Variants in ZNF33A observed in about 807,000 individuals in gnomAD.
ZNF33A encodes the protein brain my041 protein.
Under a neutral mutation model 15.9 loss-of-function variants are expected in ZNF33A, and 9 were observed. That is an observed-to-expected ratio of 0.57 (90% CI 0.34 to 0.99). The LOEUF (loss-of-function observed/expected upper bound fraction) is 0.99. ZNF33A is among the 50% of genes least tolerant of loss of function. ZNF33A has a pLI of 0.02. For missense variants in ZNF33A, 843 were observed against 941.6 expected (o/e 0.90, Z 1.37); for synonymous variants, 294 against 324.2 (o/e 0.91, Z 1.00).
At chr10:38,022,408 A>G (rs981627624) in intron 4 of ZNF33A, among the ~76,000 whole-genome samples, 1 of 152,086 alleles carries the variant, frequency 6.6e-6, no homozygotes, top group Non-Finnish European at 1.5e-5. Flanking sequence ...TGTTATTCCA[A>G]CACTTTGGGA....
chr10:38,025,540 G>T (rs960659916), intron 4 of ZNF33A, among the ~76,000 whole-genome samples: 18 of 152,220 alleles, frequency 1.2e-4, no homozygotes, highest in Admixed American at 9.8e-4. Context: ...ATATGCAGTG[G>T]CCTTCTGCAA....
In ZNF33A at chr10:38,016,889, G is replaced by A; in HGVS notation, c.28G>A (p.Glu10Lys). ...GTTTCAGGTAGAACAGAAGTCCCAG[G>A]AGTCAGTATCATTTAAAGATGTGAC... MNKVEQKSQ[E>K]SVSFKDVTVG... Residue 10 changes from glutamate to lysine, a missense_variant, in exon 3 of 5, where the codon GAG (glutamate) becomes AAG (lysine). Glu to Lys is a moderately conservative substitution (Grantham distance 56). Coordinates refer to ENST00000432900, the MANE Select transcript of ZNF33A (RefSeq NM_006954.2). 6.2e-7 allele frequency: 1 copy of A among 1,613,862 alleles called. No individual in the cohort carries two copies. Among genetic ancestry groups the A allele is most frequent in the Non-Finnish European group, 8.5e-7 (1 of 1,179,940 alleles).
At chr10:38,024,175 A>AAAAAG (rs2064879742) in intron 4 of ZNF33A, among the ~76,000 whole-genome samples, 1 of 144,678 alleles carries the variant, frequency 6.9e-6, no homozygotes, top group African/African-American at 2.5e-5. Flanking sequence ...AAAAAAAAAA[A>AAAAAG]AAAAAAGAAA....
At position 38,021,656 on chromosome 10, in the gene ZNF33A, A is replaced by T. The variant is rs1383250272; in HGVS notation, c.250+4270A>T. Among the ~76,000 whole-genome samples the T allele has an allele frequency of 2.0e-5, 3 of 152,276 alleles. No homozygotes were observed. The East Asian group carries it at 5.8e-4, about 29-fold the overall frequency. On this transcript the variant is annotated intron_variant, in intron 4 of 4. Coordinates refer to ENST00000432900, the MANE Select transcript of ZNF33A (RefSeq NM_006954.2). Reference sequence around the variant, plus strand: ...CTCAAAAAAGAAAAGAAAAAAAAAGAGTAGTGCCCAACAACAGCAAAATAA... The same window carrying T: ...CTCAAAAAAGAAAAGAAAAAAAAAGTGTAGTGCCCAACAACAGCAAAATAA...
At chr10:38,023,472 C>T (rs979726739) in intron 4 of ZNF33A, among the ~76,000 whole-genome samples, 3 of 152,050 alleles carry the variant, frequency 2.0e-5, no homozygotes, top group Non-Finnish European at 2.9e-5. Flanking sequence ...ATTCAGAAAT[C>T]GATCAATGTA....
downstream of ZNF33A, among the ~76,000 whole-genome samples, chr10:38,063,120 A>G (rs571395209): frequency 3.9e-5 from 6 of 152,212 alleles, no homozygotes; most frequent in East Asian, 7.7e-4. Context: ...GCAAAATGCA[A>G]CTGTGTCCGT....
At chr10:38,014,034 G>GTTTTTTTTTTT (rs1450682790) in intron 2 of ZNF33A, among the ~76,000 whole-genome samples, 1 of 58,264 alleles carries the variant, frequency 1.7e-5, no homozygotes, top group African/African-American at 6.4e-5. Flanking sequence ...AATGATGTCT[G>GTTTTTTTTTTT]ATTTTTTTTT....
At chr10:38,011,859 C>T (rs1476962148) in intron 1 of ZNF33A, among the ~76,000 whole-genome samples, 3 of 152,282 alleles carry the variant, frequency 2.0e-5, no homozygotes, top group East Asian at 1.9e-4. Flanking sequence ...TCTGTGGAGT[C>T]ACTCACCAGA....
At chr10:38,010,915 GC>G (rs201239978) in intron 1 of ZNF33A, 132 bp downstream of exon 1, 77,959 of 1,112,084 alleles carry the variant, frequency 0.07, 3,295 homozygotes, top group Non-Finnish European at 0.084. Context: ...GGACGGCGGG[GC>G]TGCAGCGTGT....
chr10:38,044,312 A>G (rs759894221), intron 4 of ZNF33A, among the ~76,000 whole-genome samples: 8 of 151,380 alleles, frequency 5.3e-5, no homozygotes, highest in South Asian at 2.1e-4. Flanking sequence ...GGTTCATGCA[A>G]TTCTCTTGCC....
chr10:38,034,262 T>C (rs969206630), intron 4 of ZNF33A, among the ~76,000 whole-genome samples: 1 of 152,220 alleles, frequency 6.6e-6, no homozygotes, highest in Non-Finnish European at 1.5e-5. Context: ...TTACCTAATG[T>C]CCTTCTTTGT....
intron 4 of ZNF33A, among the ~76,000 whole-genome samples, chr10:38,022,193 G>C (rs1394023254): frequency 6.6e-6 from 1 of 152,076 alleles, no homozygotes; most frequent in East Asian, 1.9e-4. Context: ...ATGAAACATA[G>C]GGTTCTTTGG....
intron 4 of ZNF33A, among the ~76,000 whole-genome samples, chr10:38,045,483 G>T (rs1256256430): frequency 1.3e-5 from 2 of 152,118 alleles, no homozygotes; most frequent in East Asian, 3.9e-4. Context: ...GTTAAATTTG[G>T]GTTCCTTCTA....
intron 4 of ZNF33A, among the ~76,000 whole-genome samples, chr10:38,024,997 A>T (rs1312411335): frequency 6.6e-6 from 1 of 152,234 alleles, no homozygotes; most frequent in Non-Finnish European, 1.5e-5. Flanking sequence ...CAGAGTAGTG[A>T]TGATAGCATA....
Position 38,054,807 on chromosome 10 carries a change from T to C in ZNF33A, c.683T>C (p.Leu228Pro), listed in dbSNP as rs780490456. Residue 228 changes from leucine to proline, a missense_variant, in exon 5 of 5, where the codon CTC (leucine) becomes CCC (proline). Transcript: ENST00000432900. ...NFEYSICQETLLEKAVFNTQK... is the reference protein window; with the variant it reads ...NFEYSICQETPLEKAVFNTQK... ...GAATACAGTATATGTCAGGAAACCCTCCTTGAAAAGGCAGTATTCAATACA... is the reference window on the plus strand; with the variant it reads ...GAATACAGTATATGTCAGGAAACCCCCCTTGAAAAGGCAGTATTCAATACA... 3 of 1,613,534 alleles carry C rather than the reference T, an allele frequency of 1.9e-6. No individual in the cohort carries two copies. The highest frequency in any genetic ancestry group is 1.7e-6 in the Non-Finnish European group (2 of 1,179,964).
intron 4 of ZNF33A, among the ~76,000 whole-genome samples, chr10:38,044,660 A>G (rs1369452689): frequency 2.0e-5 from 3 of 151,788 alleles, no homozygotes; most frequent in Admixed American, 2.0e-4. Context: ...GTGTTTCCTT[A>G]TGAACATATT....
chr10:38,012,805 A>G (rs2064255413), intron 2 of ZNF33A, among the ~76,000 whole-genome samples: 1 of 152,164 alleles, frequency 6.6e-6, no homozygotes, highest in South Asian at 2.1e-4. Context: ...AAAGTAACAG[A>G]TCAATAGCAG....
At chr10:38,060,415 A>C (rs1418643253), downstream of ZNF33A, among the ~76,000 whole-genome samples, 1 of 152,122 alleles carries the variant, frequency 6.6e-6, no homozygotes, top group Non-Finnish European at 1.5e-5. Context: ...AACCCCTCAC[A>C]TCCTCCCACA....
In ZNF33A at chr10:38,040,243, A is replaced by C. The variant is rs61587766; in HGVS notation, c.251-14132A>C. ...TTAAATTTATTCTGGGGAATGTTTC[A>C]TGTGTACTTTTGAAGCATACCTGCT... On this transcript the variant is annotated intron_variant, in intron 4 of 4. Transcript: ENST00000432900. Among the ~76,000 whole-genome samples the C allele has an allele frequency of 7.9e-5, 12 of 152,026 alleles. No homozygotes were observed. In the East Asian group the frequency reaches 2.1e-3, roughly 27 times the overall value.
Sources: allele counts gnomAD v4.1 joint callset (sites outside exome capture counted in the v4.1 genomes callset), GRCh38; gene constraint gnomAD v4.1.1; transcripts MANE v1.5; gene names NCBI Gene and HGNC (gene_info 2026-07-23, HGNC 2026-07-21).